The following EP300 variants were observed in gnomAD, a reference collection of about 807,000 sequenced individuals.
EP300 encodes the protein histone acetyltransferase p300.
Under a neutral mutation model 264.0 loss-of-function variants are expected in EP300, and 31 were observed. The observed-to-expected ratio is 0.12, with a 90% CI of 0.09 to 0.16. The LOEUF (loss-of-function observed/expected upper bound fraction) is 0.16, where lower values mean the gene tolerates loss of function less well. EP300 is among the 10% of genes least tolerant of loss of function. EP300 has a pLI of 1.00. For synonymous variants in EP300, 1,340 were observed against 1,045.4 expected, an observed-to-expected ratio of 1.28 and a Z score of -5.44; for missense variants, 2,766 against 3,052.9, an observed-to-expected ratio of 0.91 and a Z score of 2.21.
At chr22:41,170,652 A>G (rs1601634375) in intron 27 of EP300, 81 bp downstream of exon 27, 2 of 915,308 alleles carry the variant, frequency 2.2e-6, no homozygotes, top group Non-Finnish European at 3.1e-6. Flanking sequence ...CTGTCATTTA[A>G]CTTTTTTTTT....
In EP300 at chr22:41,147,943, C is replaced by G. The variant is rs1281296058; in HGVS notation, c.2238C>G (p.Asn746Lys). 1.2e-6 allele frequency: 2 copies of G among 1,601,976 alleles called. No individual in the cohort carries two copies. Among genetic ancestry groups the G allele is most frequent in the South Asian group, 1.1e-5 (1 of 89,660 alleles). Residue 746 changes from asparagine (N) to lysine (K), a missense_variant, in exon 12 of 31, where the codon AAC becomes AAG. Transcript: ENST00000263253. The part of the protein sequence containing the change: ...HGQLAQPGAL[N>K]PPMGYGPRMQ... ...AGTTGGCTCAACCTGGAGCTCTCAA[C>G]CCGGTTAGTTTGACGTCTTTGGTAA...
intron 1 of EP300, among the ~76,000 whole-genome samples, chr22:41,114,618 A>C (rs1321515155): frequency 6.6e-6 from 1 of 152,206 alleles, no homozygotes; most frequent in Non-Finnish European, 1.5e-5. Flanking sequence ...ATGTTGGTTT[A>C]GTTAATATAT....
intron 1 of EP300, among the ~76,000 whole-genome samples, chr22:41,096,038 C>T (rs1329501335): frequency 6.6e-6 from 1 of 152,098 alleles, no homozygotes; most frequent in East Asian, 1.9e-4. Context: ...TTATTTGTAG[C>T]CTTCACACCT....
chr22:41,146,696 G>C, intron 10 of EP300, 43 bp from the exon 11 acceptor site: 1 of 1,578,596 alleles, frequency 6.3e-7, no homozygotes. Context: ...GTTTGGTTAA[G>C]GGAAGATGGT....
In EP300 at chr22:41,176,548, AAGG is replaced by A. The variant is rs1300537614; in HGVS notation, c.5061+27_5061+29del. The stretch of plus-strand genomic sequence containing the variant: ...TGTGAGGTAGGCACCGGGTTGTGGG[AAGG>A]AGGAGGTGAGCTCCGCAGGGTTGTT... On this transcript the variant is annotated intron_variant, in intron 30 of 30. Transcript: ENST00000263253. The A allele has an allele frequency of 3.7e-6, 6 of 1,613,312 alleles. No homozygotes were observed. Among genetic ancestry groups the A allele is most frequent in the Non-Finnish European group, 5.1e-6 (6 of 1,179,926 alleles).
intron 22 of EP300, among the ~76,000 whole-genome samples, chr22:41,165,781 A>C (rs188225779): frequency 6.0e-4 from 91 of 150,820 alleles, no homozygotes; most frequent in African/African-American, 2.1e-3. Context: ...TAAGTCATAG[A>C]CTTTTTTAAT....
At chr22:41,122,977 A>G (rs962074073) in intron 2 of EP300, among the ~76,000 whole-genome samples, 3 of 152,124 alleles carry the variant, frequency 2.0e-5, no homozygotes, top group African/African-American at 7.2e-5. Flanking sequence ...TGGGAATTAT[A>G]ATGAGCTATG....
At chr22:41,130,993 C>T (rs991809661) in intron 5 of EP300, among the ~76,000 whole-genome samples, 4 of 152,034 alleles carry the variant, frequency 2.6e-5, no homozygotes, top group East Asian at 1.9e-4. Flanking sequence ...TCACCAGAGA[C>T]GGGAGGAGAG....
intron 8 of EP300, among the ~76,000 whole-genome samples, 157 bp from the exon 9 acceptor site, chr22:41,139,983 T>G (rs1218231823): frequency 6.6e-6 from 1 of 152,224 alleles, no homozygotes; most frequent in Non-Finnish European, 1.5e-5. Context: ...CAAAAATTCT[T>G]TTGTTTATCA....
At chr22:41,103,059 A>G (rs1386353537) in intron 1 of EP300, among the ~76,000 whole-genome samples, 1 of 152,186 alleles carries the variant, frequency 6.6e-6, no homozygotes, top group Non-Finnish European at 1.5e-5. Flanking sequence ...CATGTTGATC[A>G]GGCTGGTCTC....
intron 1 of EP300, among the ~76,000 whole-genome samples, chr22:41,102,862 T>C (rs2058739180): frequency 6.6e-6 from 1 of 152,092 alleles, no homozygotes; most frequent in Non-Finnish European, 1.5e-5. Context: ...ATTTATTATT[T>C]ATTTATTTAT....
At chr22:41,162,379 CTA>C (rs2145754432) in intron 20 of EP300, among the ~76,000 whole-genome samples, 1 of 152,204 alleles carries the variant, frequency 6.6e-6, no homozygotes, top group African/African-American at 2.4e-5. Context: ...TGTAGTGAGG[CTA>C]TGAGCAGTGT....
intron 29 of EP300, among the ~76,000 whole-genome samples, chr22:41,175,115 C>G (rs2059192794): frequency 6.6e-6 from 1 of 152,086 alleles, no homozygotes; most frequent in African/African-American, 2.4e-5. Context: ...TAAGTAATGC[C>G]ACAGAATCCT....
chr22:41,155,180 C>G, intron 17 of EP300, 67 bp downstream of exon 17: 1 of 1,190,470 alleles, frequency 8.4e-7, no homozygotes, highest in South Asian at 1.2e-5. Context: ...AGAGATAATT[C>G]ACATTCCAAA....
chr22:41,106,115 T>A (rs1284995518), intron 1 of EP300, among the ~76,000 whole-genome samples: 1 of 152,222 alleles, frequency 6.6e-6, no homozygotes, highest in Non-Finnish European at 1.5e-5. Context: ...TAACTTTTTT[T>A]AAATGAAGTA....
chr22:41,176,532 G>A lies in EP300; in HGVS notation c.5061+4G>A, dbSNP rs2059201364. The A allele has an allele frequency of 1.2e-6, 2 of 1,613,700 alleles. No homozygotes were observed. Among genetic ancestry groups the A allele is most frequent in the Non-Finnish European group, 1.7e-6 (2 of 1,179,976 alleles). On this transcript the variant is annotated splice_donor_region_variant and intron_variant, in intron 30 of 30. Transcript: ENST00000263253. ...CTGGCACTGTACTGTCTGTGAGGTA[G>A]GCACCGGGTTGTGGGAAGGAGGAGG... is the stretch of plus-strand genomic sequence containing the variant.
chr22:41,169,191 C>T (rs974574259), intron 25 of EP300: 14 of 541,194 alleles, frequency 2.6e-5, no homozygotes, highest in African/African-American at 5.7e-5. Flanking sequence ...TCATACAAAT[C>T]GGGTGGGAAT....
chr22:41,118,769 A>G (rs989388760), intron 2 of EP300, among the ~76,000 whole-genome samples: 2 of 151,106 alleles, frequency 1.3e-5, no homozygotes, highest in Admixed American at 6.7e-5. Context: ...CCAACCAGGT[A>G]GCATTGACCC....
chr22:41,108,275 GTC>G (rs1481807908), intron 1 of EP300, among the ~76,000 whole-genome samples: 1 of 139,396 alleles, frequency 7.2e-6, no homozygotes, highest in Non-Finnish European at 1.5e-5. Flanking sequence ...TTGAGACAGG[GTC>G]TCATTCTGTC....
Sources: gnomAD v4.1 joint callset for allele counts (sites outside exome capture counted in the v4.1 genomes callset) on GRCh38, gnomAD v4.1.1 for gene constraint, MANE v1.5 for transcripts, NCBI Gene and HGNC (gene_info 2026-07-23, HGNC 2026-07-21) for gene names.